Variants in ASTN2 observed in about 807,000 individuals in gnomAD.
ASTN2 encodes the protein astrotactin-2.
In ASTN2, 54 loss-of-function variants were observed where a neutral mutation model predicts 139.8. That is an observed-to-expected ratio of 0.39 (90% CI 0.31 to 0.48). The LOEUF is 0.48. ASTN2 is among the 20% of genes least tolerant of loss of function. The pLI is 0.95. For synonymous variants in ASTN2, 756 were observed against 719.5 expected (o/e 1.05, Z -0.81); for missense variants, 1,565 against 1,725.1 (o/e 0.91, Z 1.64).
chr9:117,012,474 T>C (rs944168822), intron 6 of ASTN2, among the ~76,000 whole-genome samples: 5 of 152,172 alleles, frequency 3.3e-5, no homozygotes, highest in African/African-American at 1.2e-4. Context: ...GCGTAAGAAA[T>C]AGACATAGAG....
chr9:116,603,378 C>CAATATCATG (rs1407162877), intron 19 of ASTN2, among the ~76,000 whole-genome samples: 16 of 152,076 alleles, frequency 1.1e-4, no homozygotes, highest in African/African-American at 3.9e-4. Flanking sequence ...TTTTATGGAA[C>CAATATCATG]AATATCATGT....
chr9:117,102,546 G>C (rs562060445), intron 4 of ASTN2, among the ~76,000 whole-genome samples: 3 of 152,226 alleles, frequency 2.0e-5, no homozygotes, highest in Admixed American at 6.5e-5. Context: ...TATTGAGACA[G>C]AGTTTCACTC....
intron 3 of ASTN2, among the ~76,000 whole-genome samples, chr9:117,150,409 T>C (rs1001425341): frequency 3.9e-5 from 6 of 152,192 alleles, no homozygotes; most frequent in East Asian, 1.9e-4. Flanking sequence ...CTGGAGTTGA[T>C]ACTATAGGCC....
At position 116,733,481 on chromosome 9, in the gene ASTN2, C is replaced by A; in HGVS notation, c.2439G>T (p.Gly813=). The change falls in exon 14 of 23, where the codon GGG becomes GGT. Residue 813 remains glycine (G), a synonymous_variant. Coordinates refer to ENST00000313400, the MANE Select transcript of ASTN2 (RefSeq NM_001365068.1). Reference sequence around the variant, plus strand: ...CCACCGGCAGCGGGATCACCAACAGCCCATCGGCCAGCTGGGGAAAGTCCT... The same window carrying A: ...CCACCGGCAGCGGGATCACCAACAGACCATCGGCCAGCTGGGGAAAGTCCT... ...FIKDFPQLAD[G]LLVIPLPVEE... The A allele has an allele frequency of 6.2e-7, 1 of 1,614,190 alleles. No homozygotes were observed. The highest frequency in any genetic ancestry group is 8.5e-7 in the Non-Finnish European group (1 of 1,180,038).
chr9:117,024,414 TTA>T (rs1491196341), intron 6 of ASTN2, among the ~76,000 whole-genome samples: 5 of 143,510 alleles, frequency 3.5e-5, no homozygotes, highest in Admixed American at 6.8e-5. Context: ...TTGTTTTTTT[TTA>T]AAAAGTTATT....
intron 4 of ASTN2, among the ~76,000 whole-genome samples, chr9:117,128,135 G>A (rs1460396929): frequency 6.6e-6 from 1 of 151,978 alleles, no homozygotes; most frequent in Non-Finnish European, 1.5e-5. Flanking sequence ...CAGTTTACTG[G>A]TCTGTGTGGC....
In ASTN2 at chr9:116,756,098, T is replaced by C. The variant is rs557400078; in HGVS notation, c.2397-22575A>G. Among the ~76,000 whole-genome samples the C allele has an allele frequency of 5.1e-4, 77 of 152,308 alleles. 1 individual carries two copies. In the South Asian group the frequency reaches 0.016, roughly 32 times the overall value. On this transcript the variant is annotated intron_variant, in intron 13 of 22. Transcript: ENST00000313400. ...CCATGTAAAACTAATGGATGTGCTT[T>C]TTCAGATAAATATTGTTTGGGGCTT...
rs140984854 is a variant in ASTN2, at chr9:116,756,306, T to C, written c.2397-22783A>G. ...TAGTCTTAACAGATGCCAGAGCTCA[T>C]GGTCTCAGGCCTATTATAGAACCTA... On this transcript the variant is annotated intron_variant, in intron 13 of 22. Transcript: ENST00000313400. Among the ~76,000 whole-genome samples the C allele has an allele frequency of 1.2e-4, 18 of 152,310 alleles. No individual in the cohort carries two copies. In the East Asian group the frequency reaches 1.4e-3, roughly 11 times the overall value.
chr9:116,463,536 C>A (rs947213427), intron 20 of ASTN2, among the ~76,000 whole-genome samples: 1 of 152,186 alleles, frequency 6.6e-6, no homozygotes, highest in Non-Finnish European at 1.5e-5. Context: ...TGTGTCCCTG[C>A]TGAATGTTCT....
chr9:117,297,509 G>T (rs956027036), intron 1 of ASTN2, among the ~76,000 whole-genome samples: 6 of 152,184 alleles, frequency 3.9e-5, no homozygotes, highest in African/African-American at 1.4e-4. Flanking sequence ...GCCAGTCAGG[G>T]TCTCATCAGA....
intron 13 of ASTN2, among the ~76,000 whole-genome samples, chr9:116,766,211 T>A (rs1240491812): frequency 1.3e-5 from 2 of 152,032 alleles, no homozygotes; most frequent in Non-Finnish European, 2.9e-5. Flanking sequence ...TGGGCCAAAC[T>A]TGAGCCCTCT....
At chr9:116,686,787 T>A in intron 16 of ASTN2, 2 of 1,550,674 alleles carry the variant, frequency 1.3e-6, no homozygotes, top group Non-Finnish European at 1.7e-6. Context: ...AACATTCCTT[T>A]ACAGAGCAAT....
chr9:117,103,276 T>C (rs1829026300), intron 4 of ASTN2, among the ~76,000 whole-genome samples: 1 of 152,206 alleles, frequency 6.6e-6, no homozygotes, highest in East Asian at 1.9e-4. Flanking sequence ...TAGATATTCT[T>C]GGCATACCAT....
chr9:117,391,882 T>C (rs1830550840), intron 1 of ASTN2, among the ~76,000 whole-genome samples: 1 of 152,070 alleles, frequency 6.6e-6, no homozygotes. Context: ...TGGGAGAAAT[T>C]GGCCAAAACA....
rs534346792 is a variant in ASTN2, at chr9:117,373,983, TACA to T, written c.442+40511_442+40513del. Reference sequence around the variant, plus strand: ...CAGCAGAACATACGCTTAAATTTTTTACAACATCAAATGTCATATTGATCTTTT... The same window carrying T: ...CAGCAGAACATACGCTTAAATTTTTTACATCAAATGTCATATTGATCTTTT... On this transcript the variant is annotated intron_variant, in intron 1 of 22. Transcript: ENST00000313400. 2.8e-4 allele frequency among the ~76,000 whole-genome samples: 43 copies of T among 152,292 alleles called. 1 individual carries two copies. The South Asian group carries it at 5.0e-3, about 18-fold the overall frequency.
chr9:116,792,877 C>CTT (rs1157176874), intron 13 of ASTN2, among the ~76,000 whole-genome samples: 1 of 152,086 alleles, frequency 6.6e-6, no homozygotes, highest in Non-Finnish European at 1.5e-5. Context: ...CAGTTTAACA[C>CTT]TTTGCTATTC....
intron 1 of ASTN2, among the ~76,000 whole-genome samples, chr9:117,389,867 A>AC (rs1830497602): frequency 6.6e-6 from 1 of 152,048 alleles, no homozygotes; most frequent in African/African-American, 2.4e-5. Flanking sequence ...AAAAAAAAAA[A>AC]AGAACAGGGT....
At chr9:116,831,821 T>A (rs890832484) in intron 11 of ASTN2, among the ~76,000 whole-genome samples, 2 of 152,212 alleles carry the variant, frequency 1.3e-5, no homozygotes, top group African/African-American at 4.8e-5. Context: ...GAGGTTTTGA[T>A]AGGAATTATA....
chr9:116,766,862 C>T (rs1386353048), intron 13 of ASTN2, among the ~76,000 whole-genome samples: 1 of 151,626 alleles, frequency 6.6e-6, no homozygotes, highest in South Asian at 2.1e-4. Flanking sequence ...TCTTCATACT[C>T]ACACATAAAC....
Sources: gnomAD v4.1 joint callset for allele counts (sites outside exome capture counted in the v4.1 genomes callset) on GRCh38, gnomAD v4.1.1 for gene constraint, MANE v1.5 for transcripts, NCBI Gene and HGNC (gene_info 2026-07-23, HGNC 2026-07-21) for gene names.